RBM27: variants seen among roughly 807,000 people sequenced by gnomAD.
RBM27 encodes RNA binding motif protein 27, also known as RNA-binding protein 27.
RBM27 carries 22 observed loss-of-function variants against 135.3 expected under a neutral mutation model. The observed-to-expected ratio is 0.16, with a 90% CI of 0.12 to 0.23. RBM27 has a LOEUF of 0.23. Ranked by LOEUF, RBM27 falls within the 10% of genes least tolerant of loss-of-function variation. RBM27 has a pLI of 1.00. For missense variants in RBM27, 1,009 were observed against 1,281.0 expected (o/e 0.79, Z 3.24); for synonymous variants, 481 against 442.4 (o/e 1.09, Z -1.10).
intron 1 of RBM27, among the ~76,000 whole-genome samples, chr5:146,217,464 GTTTTTTTTTTTTT>G (rs545963169): frequency 3.2e-4 from 23 of 70,770 alleles, no homozygotes; most frequent in South Asian, 1.3e-3. Flanking sequence ...GCTGAAGCCT[GTTTTTTTTTTTTT>G]TTTTTTTTTT....
intron 1 of RBM27, among the ~76,000 whole-genome samples, chr5:146,206,149 T>G (rs1490349954): frequency 6.6e-6 from 1 of 152,228 alleles, no homozygotes; most frequent in African/African-American, 2.4e-5. Flanking sequence ...CAGACAAGTT[T>G]AGTTTTGTTG....
At chr5:146,238,444 G>T (rs1394060278) in intron 8 of RBM27, among the ~76,000 whole-genome samples, 1 of 152,146 alleles carries the variant, frequency 6.6e-6, no homozygotes, top group African/African-American at 2.4e-5. Flanking sequence ...GGAGGCGGAG[G>T]TTGCAGTGAG....
chr5:146,269,957 A>G (rs1053742485), intron 17 of RBM27, among the ~76,000 whole-genome samples: 1 of 152,062 alleles, frequency 6.6e-6, no homozygotes, highest in African/African-American at 2.4e-5. Flanking sequence ...TTGAACAAAG[A>G]TGTGTTTTTT....
chr5:146,252,168 A>G (rs528410973), intron 9 of RBM27, among the ~76,000 whole-genome samples: 144 of 152,320 alleles, frequency 9.5e-4, no homozygotes, highest in Non-Finnish European at 1.7e-3. Flanking sequence ...TAGAAAGATA[A>G]TATCTACTTG....
At chr5:146,206,463 A>G (rs1407102304) in intron 1 of RBM27, among the ~76,000 whole-genome samples, 1 of 147,414 alleles carries the variant, frequency 6.8e-6, no homozygotes, top group Non-Finnish European at 1.5e-5. Context: ...CAAAATGATT[A>G]CTTGAGTTTA....
chr5:146,244,685 A>G (rs1324945297), intron 8 of RBM27, among the ~76,000 whole-genome samples: 2 of 151,946 alleles, frequency 1.3e-5, no homozygotes, highest in Admixed American at 6.6e-5. Context: ...GACCACAGGC[A>G]TGCACCACCA....
At chr5:146,235,238 G>A (rs1757108986) in intron 7 of RBM27, among the ~76,000 whole-genome samples, 1 of 151,960 alleles carries the variant, frequency 6.6e-6, no homozygotes, top group African/African-American at 2.4e-5. Context: ...GAGCTTCCCT[G>A]CAGTAATAAA....
At chr5:146,225,804 T>C (rs1756647742) in intron 3 of RBM27, among the ~76,000 whole-genome samples, 1 of 150,874 alleles carries the variant, frequency 6.6e-6, no homozygotes, top group South Asian at 2.1e-4. Context: ...GACCTCGTGA[T>C]CCACCCACCT....
chr5:146,279,653 C>T (rs998946144), intron 19 of RBM27, among the ~76,000 whole-genome samples: 1 of 151,294 alleles, frequency 6.6e-6, no homozygotes, highest in African/African-American at 2.4e-5. Context: ...ACAAAAAATA[C>T]AAAAATTAGC....
Position 146,207,897 on chromosome 5 carries a change from C to A in RBM27, c.59+4073C>A, listed in dbSNP as rs1306389176. On this transcript the variant is annotated intron_variant, in intron 1 of 20. Transcript: ENST00000265271. The stretch of plus-strand genomic sequence containing the variant: ...CTTGAACTCCTGACCTCAGGTGATC[C>A]GCCTCCCAAAGTGCTGGGATTACAG... Among the ~76,000 whole-genome samples, 3 of 147,932 alleles carry A rather than the reference C, an allele frequency of 2.0e-5. No homozygotes were observed. The East Asian group carries it at 6.2e-4, about 30-fold the overall frequency.
chr5:146,246,078 T>C (rs1047580458), intron 8 of RBM27, among the ~76,000 whole-genome samples: 3 of 149,778 alleles, frequency 2.0e-5, no homozygotes, highest in South Asian at 2.1e-4. Flanking sequence ...AGTGACTGTT[T>C]GATTTCTATT....
intron 6 of RBM27, among the ~76,000 whole-genome samples, chr5:146,232,344 A>G (rs1359884888): frequency 2.0e-5 from 3 of 152,186 alleles, no homozygotes; most frequent in Admixed American, 6.5e-5. Context: ...CTCCTTGCCA[A>G]GGCCAACGTA....
intron 2 of RBM27, among the ~76,000 whole-genome samples, 188 bp downstream of exon 2, chr5:146,219,291 T>C (rs910801597): frequency 6.6e-6 from 1 of 152,236 alleles, no homozygotes; most frequent in African/African-American, 2.4e-5. Flanking sequence ...CCTTTCCTTC[T>C]TTGCTGCTTT....
At chr5:146,284,259 G>A (rs1350902258) in intron 19 of RBM27, among the ~76,000 whole-genome samples, 1 of 152,050 alleles carries the variant, frequency 6.6e-6, no homozygotes, top group Non-Finnish European at 1.5e-5. Flanking sequence ...TAAGGTTTGA[G>A]TCTATATATG....
chr5:146,253,343 T>A (rs1757974340), intron 9 of RBM27, among the ~76,000 whole-genome samples: 5 of 152,126 alleles, frequency 3.3e-5, no homozygotes, highest in Admixed American at 1.3e-4. Context: ...TGAGACTGAA[T>A]GCAAGCCTTA....
In RBM27 at chr5:146,248,711, C is replaced by T. The variant is rs150848134; in HGVS notation, c.1280-3000C>T. ...AAATTCCTGAGCTCAAGGGATCCAC[C>T]CGCCTTGGCCTCCCAAAGTGCTGTA... On this transcript the variant is annotated intron_variant, in intron 8 of 20. Coordinates refer to ENST00000265271, the MANE Select transcript of RBM27 (RefSeq NM_018989.2). Among the ~76,000 whole-genome samples, 196 of 152,246 alleles carry T rather than the reference C, an allele frequency of 1.3e-3. 1 individual carries two copies. The highest frequency in any genetic ancestry group is 4.6e-3 in the African/African-American group (192 of 41,564).
At chr5:146,254,168 C>A (rs1758011334) in intron 9 of RBM27, among the ~76,000 whole-genome samples, 1 of 151,848 alleles carries the variant, frequency 6.6e-6, no homozygotes, top group Non-Finnish European at 1.5e-5. Context: ...AACAAATGTG[C>A]ATTGGGCTGG....
chr5:146,262,911 A>T (rs1758458922), intron 13 of RBM27, among the ~76,000 whole-genome samples: 2 of 147,176 alleles, frequency 1.4e-5, no homozygotes, highest in Non-Finnish European at 1.5e-5. Flanking sequence ...TTTTTGAGAC[A>T]GTCCTGCTTT....
intron 1 of RBM27, among the ~76,000 whole-genome samples, chr5:146,205,456 G>A (rs1316953487): frequency 6.6e-6 from 1 of 152,138 alleles, no homozygotes; most frequent in Non-Finnish European, 1.5e-5. Context: ...GAGTAGTTTG[G>A]GAGGTGTGGA....
Sources: gnomAD v4.1 joint callset for allele counts (sites outside exome capture counted in the v4.1 genomes callset) on GRCh38, gnomAD v4.1.1 for gene constraint, MANE v1.5 for transcripts, NCBI Gene and HGNC (gene_info 2026-07-23, HGNC 2026-07-21) for gene names.